Variants in PEBP4 observed in about 807,000 individuals in gnomAD.
PEBP4 encodes the protein phosphatidylethanolamine binding protein 4.
PEBP4 carries 22 observed loss-of-function variants against 23.9 expected under a neutral mutation model. That is an observed-to-expected ratio of 0.92 (90% CI 0.66 to 1.31). The LOEUF is 1.31. Among genes scored for constraint, PEBP4 ranks in the 40% most tolerant of loss-of-function variants. PEBP4 has a pLI of 0.00. For missense variants in PEBP4, 324 were observed against 281.7 expected (o/e 1.15, Z -1.07); for synonymous variants, 112 against 99.3 (o/e 1.13, Z -0.76).
chr8:22,788,872 TA>T (rs563279142), intron 4 of PEBP4, among the ~76,000 whole-genome samples: 2 of 151,134 alleles, frequency 1.3e-5, no homozygotes, highest in African/African-American at 4.8e-5. Context: ...GGTGATAATA[TA>T]AAAAAAAAGC....
intron 3 of PEBP4, among the ~76,000 whole-genome samples, chr8:22,919,330 T>C (rs1262382179): frequency 6.6e-6 from 1 of 152,162 alleles, no homozygotes; most frequent in Admixed American, 6.5e-5. Context: ...CTCCAGGCAT[T>C]TGTGACCCAA....
At chr8:22,890,315 T>G (rs1808468274) in intron 3 of PEBP4, among the ~76,000 whole-genome samples, 2 of 152,210 alleles carry the variant, frequency 1.3e-5, no homozygotes, top group South Asian at 4.1e-4. Context: ...AATGGCACAT[T>G]TCTACCAAGT....
intron 3 of PEBP4, among the ~76,000 whole-genome samples, chr8:22,911,777 A>G (rs1808943060): frequency 6.6e-6 from 1 of 152,258 alleles, no homozygotes. Flanking sequence ...CAATGCCTTT[A>G]AAACAAACAA....
At chr8:22,826,008 T>C (rs142018241) in intron 3 of PEBP4, among the ~76,000 whole-genome samples, 1 of 152,114 alleles carries the variant, frequency 6.6e-6, no homozygotes, top group African/African-American at 2.4e-5. Flanking sequence ...CAGAGAGGAA[T>C]GGTGGTTGCC....
chr8:22,781,959 C>A (rs562113404), intron 4 of PEBP4, among the ~76,000 whole-genome samples: 40 of 152,352 alleles, frequency 2.6e-4, no homozygotes, highest in African/African-American at 9.1e-4. Context: ...TCCCCAGGAA[C>A]AGGACCTGCT....
chr8:22,861,689 G>A (rs945690732), intron 3 of PEBP4, among the ~76,000 whole-genome samples: 1 of 152,184 alleles, frequency 6.6e-6, no homozygotes, highest in Non-Finnish European at 1.5e-5. Flanking sequence ...CTCGTTCTGA[G>A]TCTTGCAGCC....
At chr8:22,899,982 G>C (rs1808679321) in intron 3 of PEBP4, among the ~76,000 whole-genome samples, 1 of 152,136 alleles carries the variant, frequency 6.6e-6, no homozygotes, top group Admixed American at 6.5e-5. Flanking sequence ...AGAAAAACAA[G>C]AAGGAGACCT....
At chr8:22,910,355 A>G (rs1471509987) in intron 3 of PEBP4, among the ~76,000 whole-genome samples, 1 of 152,262 alleles carries the variant, frequency 6.6e-6, no homozygotes, top group Non-Finnish European at 1.5e-5. Context: ...ATATCACGGC[A>G]CGCATCTCCC....
intron 4 of PEBP4, among the ~76,000 whole-genome samples, chr8:22,764,715 G>T (rs2128753325): frequency 6.6e-6 from 1 of 152,092 alleles, no homozygotes; most frequent in Non-Finnish European, 1.5e-5. Flanking sequence ...GCCACCTTCT[G>T]CTCTCTGTGG....
At chr8:22,861,471 C>T (rs575778620) in intron 3 of PEBP4, among the ~76,000 whole-genome samples, 3 of 152,300 alleles carry the variant, frequency 2.0e-5, no homozygotes, top group East Asian at 1.9e-4. Context: ...ACACCTTACC[C>T]GCTGAATACA....
intron 3 of PEBP4, among the ~76,000 whole-genome samples, chr8:22,835,732 C>T (rs190741849): frequency 4.2e-4 from 64 of 152,372 alleles, no homozygotes; most frequent in Middle Eastern, 3.4e-3. Flanking sequence ...CGCTATGTCC[C>T]ATGGAGCCCC....
At chr8:22,737,956 G>A (rs1039752357) in intron 4 of PEBP4, among the ~76,000 whole-genome samples, 3 of 151,830 alleles carry the variant, frequency 2.0e-5, no homozygotes, top group Admixed American at 6.6e-5. Context: ...GGGAGTAGAC[G>A]GCGTAGGGGC....
chr8:22,888,218 A>G (rs1296265359), intron 3 of PEBP4, among the ~76,000 whole-genome samples: 1 of 145,844 alleles, frequency 6.9e-6, no homozygotes, highest in Admixed American at 7.0e-5. Context: ...CAGTGGTATG[A>G]TCGCAGCTCA....
chr8:22,846,046 A>G (rs1807426905), intron 3 of PEBP4, among the ~76,000 whole-genome samples: 1 of 152,218 alleles, frequency 6.6e-6, no homozygotes. Flanking sequence ...AGAGCTAGAG[A>G]TGCCAGGAGA....
At chr8:22,876,363 C>T (rs186839241) in intron 3 of PEBP4, among the ~76,000 whole-genome samples, 79 of 152,212 alleles carry the variant, frequency 5.2e-4, no homozygotes, top group South Asian at 1.7e-3. Context: ...CCAGTGCATA[C>T]GGCCCATGGT....
At chr8:22,755,285 C>T (rs1234766733) in intron 4 of PEBP4, among the ~76,000 whole-genome samples, 1 of 151,260 alleles carries the variant, frequency 6.6e-6, no homozygotes, top group East Asian at 1.9e-4. Flanking sequence ...GCTGAAGTTC[C>T]CAGGGCTTTG....
intron 4 of PEBP4, among the ~76,000 whole-genome samples, chr8:22,796,579 G>A (rs181758962): frequency 1.9e-4 from 29 of 152,246 alleles, no homozygotes; most frequent in African/African-American, 6.5e-4. Flanking sequence ...CCTGCATGCC[G>A]CCTAAGAAGA....
chr8:22,735,188 A>C (rs1804833428), intron 4 of PEBP4, among the ~76,000 whole-genome samples: 1 of 152,226 alleles, frequency 6.6e-6, no homozygotes, highest in South Asian at 2.1e-4. Flanking sequence ...GATCTGCTAG[A>C]ACAGATAGAT....
At chr8:22,878,894 T>C (rs1808185393) in intron 3 of PEBP4, among the ~76,000 whole-genome samples, 1 of 152,126 alleles carries the variant, frequency 6.6e-6, no homozygotes, top group Non-Finnish European at 1.5e-5. Flanking sequence ...TCCAGAATGA[T>C]GTTGGGCTGG....
Sources: allele counts gnomAD v4.1 joint callset (sites outside exome capture counted in the v4.1 genomes callset), GRCh38; gene constraint gnomAD v4.1.1; transcripts MANE v1.5; gene names NCBI Gene and HGNC (gene_info 2026-07-23, HGNC 2026-07-21).